DOCK3: variants seen among roughly 807,000 people sequenced by gnomAD.
DOCK3 encodes the protein dedicator of cytokinesis protein 3.
In DOCK3, 60 loss-of-function variants were observed where a neutral mutation model predicts 265.6. That is an observed-to-expected ratio of 0.23 (90% CI 0.18 to 0.28). DOCK3 has a LOEUF of 0.28. DOCK3 is among the 10% of genes least tolerant of loss of function. The pLI is 1.00. For missense variants in DOCK3, 1,981 were observed against 2,594.3 expected, an observed-to-expected ratio of 0.76 and a Z score of 5.14; for synonymous variants, 881 against 938.0, an observed-to-expected ratio of 0.94 and a Z score of 1.11.
chr3:51,370,895 T>C (rs1295996203), intron 49 of DOCK3, among the ~76,000 whole-genome samples: 3 of 152,158 alleles, frequency 2.0e-5, no homozygotes, highest in Non-Finnish European at 4.4e-5. Flanking sequence ...TGGCTGGCAA[T>C]TGATGCTGGT....
At chr3:50,749,709 A>G (rs778439901) in intron 1 of DOCK3, among the ~76,000 whole-genome samples, 36 of 152,182 alleles carry the variant, frequency 2.4e-4, no homozygotes, top group Admixed American at 5.2e-4. Context: ...GGTAGGAAAG[A>G]CTATCCAGAA....
chr3:51,104,975 C>G (rs1253545395), intron 9 of DOCK3, among the ~76,000 whole-genome samples: 1 of 152,048 alleles, frequency 6.6e-6, no homozygotes, highest in African/African-American at 2.4e-5. Flanking sequence ...CCATTTATTC[C>G]TGAGGGTTAG....
At chr3:51,115,775 A>T (rs912082761) in intron 9 of DOCK3, among the ~76,000 whole-genome samples, 1 of 152,056 alleles carries the variant, frequency 6.6e-6, no homozygotes, top group Non-Finnish European at 1.5e-5. Flanking sequence ...TTATGGTTTT[A>T]GGTCTTATGT....
chr3:50,998,393 C>A (rs1255318682), intron 5 of DOCK3, among the ~76,000 whole-genome samples: 1 of 152,138 alleles, frequency 6.6e-6, no homozygotes, highest in Non-Finnish European at 1.5e-5. Flanking sequence ...GAAAAAACAA[C>A]AAACTCTTCA....
chr3:51,203,075 A>G, intron 12 of DOCK3, among the ~76,000 whole-genome samples: 1 of 152,234 alleles, frequency 6.6e-6, no homozygotes, highest in East Asian at 1.9e-4. Context: ...TGAACGGGCA[A>G]AAACTGGAAG....
intron 4 of DOCK3, among the ~76,000 whole-genome samples, chr3:50,897,314 T>C (rs956788788): frequency 7.9e-5 from 12 of 152,176 alleles, no homozygotes; most frequent in African/African-American, 2.9e-4. Context: ...ATGCTTGTGA[T>C]TTTTGCACAT....
intron 3 of DOCK3, among the ~76,000 whole-genome samples, chr3:50,874,286 G>A (rs2047589226): frequency 6.6e-6 from 1 of 151,868 alleles, no homozygotes; most frequent in South Asian, 2.1e-4. Context: ...AGGGTCACTA[G>A]AGCCCAGAAG....
intron 21 of DOCK3, among the ~76,000 whole-genome samples, chr3:51,246,463 T>C (rs776755675): frequency 3.3e-5 from 5 of 152,120 alleles, no homozygotes; most frequent in Non-Finnish European, 7.4e-5. Context: ...GGAAACTTTC[T>C]TGTAATCAAA....
intron 3 of DOCK3, chr3:50,877,246 A>C: frequency 2.9e-6 from 1 of 342,778 alleles, no homozygotes; most frequent in Non-Finnish European, 5.8e-6. Flanking sequence ...GAGCCTTCTT[A>C]ACCCTTTTTA....
chr3:50,832,244 A>G (rs1267938890), intron 2 of DOCK3, among the ~76,000 whole-genome samples: 1 of 152,246 alleles, frequency 6.6e-6, no homozygotes, highest in Non-Finnish European at 1.5e-5. Context: ...CGTAAGAACT[A>G]AAACCATAAA....
At chr3:50,699,053 C>T (rs1233335271) in intron 1 of DOCK3, among the ~76,000 whole-genome samples, 1 of 152,108 alleles carries the variant, frequency 6.6e-6, no homozygotes, top group Non-Finnish European at 1.5e-5. Flanking sequence ...GGGCTAAATC[C>T]ATTTTAGGTC....
Position 50,890,008 on chromosome 3 carries a change from A to G in DOCK3, c.163-18A>G. On this transcript the variant is annotated intron_variant, in intron 3 of 52. Coordinates refer to ENST00000266037, the MANE Select transcript of DOCK3 (RefSeq NM_004947.5). The stretch of plus-strand genomic sequence containing the variant: ...ACAATTTTATTTTTTCTAACAGGAA[A>G]TATTTTCTCTTTTACAGGGGATCTT... The G allele has an allele frequency of 1.4e-6, 2 of 1,400,724 alleles. No homozygotes were observed. The highest frequency in any genetic ancestry group is 1.6e-5 in the South Asian group (1 of 61,526). 86.8% of individuals were successfully genotyped at this position (1,400,724 alleles called of 1,614,324 possible).
chr3:51,294,505 A>G (rs1417403393), intron 27 of DOCK3, among the ~76,000 whole-genome samples: 1 of 151,980 alleles, frequency 6.6e-6, no homozygotes, highest in Non-Finnish European at 1.5e-5. Context: ...GGTGAAACCC[A>G]GTATCTACTA....
chr3:51,075,549 C>G, intron 7 of DOCK3, 109 bp downstream of exon 7: 1 of 855,228 alleles, frequency 1.2e-6, no homozygotes, highest in Non-Finnish European at 1.8e-6. Flanking sequence ...GTTTTGGCCT[C>G]TTTCCCAGTG....
At chr3:51,113,287 G>T (rs998119409) in intron 9 of DOCK3, among the ~76,000 whole-genome samples, 1 of 152,102 alleles carries the variant, frequency 6.6e-6, no homozygotes, top group Non-Finnish European at 1.5e-5. Flanking sequence ...AGTTAGGCAT[G>T]ACCTCTCTAA....
chr3:51,161,728 T>G (rs2086151927), intron 12 of DOCK3, among the ~76,000 whole-genome samples: 1 of 152,200 alleles, frequency 6.6e-6, no homozygotes, highest in South Asian at 2.1e-4. Flanking sequence ...CACCAGTTAT[T>G]ATAACTGAGC....
intron 5 of DOCK3, among the ~76,000 whole-genome samples, chr3:50,962,266 TA>T (rs1177258815): frequency 4.6e-5 from 7 of 152,194 alleles, no homozygotes; most frequent in Non-Finnish European, 8.8e-5. Flanking sequence ...ACAAAAGATG[TA>T]AAGGTATATT....
At chr3:50,704,985 G>A (rs1437000970) in intron 1 of DOCK3, among the ~76,000 whole-genome samples, 1 of 149,650 alleles carries the variant, frequency 6.7e-6, no homozygotes, top group Non-Finnish European at 1.5e-5. Context: ...GTCACTGATA[G>A]TTGAGGACTT....
chr3:51,227,962 A>G lies in DOCK3; in HGVS notation c.1541-20A>G. On this transcript the variant is annotated intron_variant, in intron 16 of 52. Transcript: ENST00000266037. ...CAGAGTGGAAGGCAAAAAACAACTA[A>G]TACTTGGCTCTGATTACAGCAAAGG... The G allele has an allele frequency of 6.2e-7, 1 of 1,612,780 alleles. No individual in the cohort carries two copies. The highest frequency in any genetic ancestry group is 8.5e-7 in the Non-Finnish European group (1 of 1,178,994).
Sources: gnomAD v4.1 joint callset for allele counts (sites outside exome capture counted in the v4.1 genomes callset) on GRCh38, gnomAD v4.1.1 for gene constraint, MANE v1.5 for transcripts, NCBI Gene and HGNC (gene_info 2026-07-23, HGNC 2026-07-21) for gene names.